The following CSPP1 variants were observed in gnomAD, a reference collection of about 807,000 sequenced individuals.
The protein encoded by CSPP1 is centrosome and spindle pole associated protein 1.
In CSPP1, 126 loss-of-function variants were observed where a neutral mutation model predicts 164.4. That is an observed-to-expected ratio of 0.77 (90% CI 0.66 to 0.89). The LOEUF (loss-of-function observed/expected upper bound fraction) is 0.89, where lower values mean the gene tolerates loss of function less well. Ranked by LOEUF, CSPP1 falls within the 40% of genes least tolerant of loss-of-function variation. The pLI, the probability that CSPP1 is intolerant of heterozygous loss-of-function variation, is 0.00. For synonymous variants in CSPP1, 472 were observed against 476.7 expected (o/e 0.99, Z 0.13); for missense variants, 1,395 against 1,449.8 (o/e 0.96, Z 0.61).
chr8:67,120,888 C>T (rs1173192675), intron 15 of CSPP1, among the ~76,000 whole-genome samples: 2 of 151,640 alleles, frequency 1.3e-5, no homozygotes, highest in African/African-American at 2.4e-5. Flanking sequence ...GAGTCTCACC[C>T]TGTCACCCAG....
chr8:67,073,167 T>C (rs1807190562), intron 1 of CSPP1, among the ~76,000 whole-genome samples: 1 of 152,220 alleles, frequency 6.6e-6, no homozygotes, highest in Admixed American at 6.5e-5. Context: ...AATGTAAATA[T>C]GGTACTTTGT....
At chr8:67,136,881 A>C (rs1271730496) in intron 16 of CSPP1, among the ~76,000 whole-genome samples, 2 of 152,020 alleles carry the variant, frequency 1.3e-5, no homozygotes, top group East Asian at 3.9e-4. Flanking sequence ...GGAGGGAAGG[A>C]GGAGTTGGTT....
intron 25 of CSPP1, among the ~76,000 whole-genome samples, chr8:67,173,158 G>T (rs1295846765): frequency 6.6e-6 from 1 of 152,170 alleles, no homozygotes; most frequent in South Asian, 2.1e-4. Context: ...GAGGGATCAG[G>T]AGCTGGAAGA....
rs746724587 is a variant in CSPP1 at position 67,149,802 on chromosome 8, C to G, written c.1995C>G (p.His665Gln). ...GNLITDLNRM[H>Q]RQNIDAYHNP... ...TCTCAGCTGATTTGAATAGGATGCA[C>G]AGACAAAATATAGATGCCTACCATA... The change falls in exon 18 of 31, where the codon CAC (histidine) becomes CAG (glutamine). Residue 665 changes from histidine to glutamine, a missense_variant. His to Gln is a conservative substitution (Grantham distance 24). Transcript: ENST00000678616. 1.9e-6 allele frequency: 3 copies of G among 1,582,274 alleles called. No homozygotes were observed. Among genetic ancestry groups the G allele is most frequent in the Non-Finnish European group, 2.6e-6 (3 of 1,168,118 alleles).
chr8:67,103,652 A>G (rs939792589), intron 8 of CSPP1, among the ~76,000 whole-genome samples: 4 of 151,334 alleles, frequency 2.6e-5, no homozygotes, highest in African/African-American at 7.3e-5. Flanking sequence ...ATACAAAAAA[A>G]AAAAAGAAAA....
intron 17 of CSPP1, among the ~76,000 whole-genome samples, chr8:67,146,574 G>A (rs1252036512): frequency 6.6e-6 from 1 of 152,052 alleles, no homozygotes; most frequent in South Asian, 2.1e-4. Flanking sequence ...CTAGGGTTGG[G>A]AATTTTGCTT....
chr8:67,067,910 C>T (rs1444794619), intron 1 of CSPP1, among the ~76,000 whole-genome samples: 3 of 147,358 alleles, frequency 2.0e-5, no homozygotes, highest in South Asian at 2.1e-4. Context: ...AGTACAGTGG[C>T]GTGATCTGGG....
intron 23 of CSPP1, among the ~76,000 whole-genome samples, chr8:67,164,117 C>T (rs572553268): frequency 2.0e-4 from 30 of 152,280 alleles, no homozygotes; most frequent in Middle Eastern, 3.4e-3. Flanking sequence ...GTTCCATCAC[C>T]GTAAAGGAAC....
chr8:67,186,622 G>C (rs1227527080), intron 28 of CSPP1, among the ~76,000 whole-genome samples: 1 of 152,106 alleles, frequency 6.6e-6, no homozygotes, highest in Non-Finnish European at 1.5e-5. Context: ...GCTAAGATCA[G>C]GATGTCCTTT....
chr8:67,179,898 A>T lies in CSPP1; in HGVS notation c.3192A>T (p.Ser1064=). ...RDDTSDFLKN[S]LLESDSAFIG... is the part of the protein sequence containing the mutation. ...ACACTAGTGATTTCTTGAAAAACTCATTATTGGAATCTGATAGTGCTTTTA... is the reference window on the plus strand; with the variant it reads ...ACACTAGTGATTTCTTGAAAAACTCTTTATTGGAATCTGATAGTGCTTTTA... Residue 1064 remains serine, a synonymous_variant, in exon 28 of 31, where the codon TCA becomes TCT. Transcript: ENST00000678616. 6.3e-7 allele frequency: 1 copy of T among 1,588,630 alleles called. No individual in the cohort carries two copies. The highest frequency in any genetic ancestry group is 8.6e-7 in the Non-Finnish European group (1 of 1,157,418).
chr8:67,095,151 C>T (rs949307734), intron 6 of CSPP1, 142 bp from the exon 7 acceptor site: 14 of 463,854 alleles, frequency 3.0e-5, no homozygotes, highest in South Asian at 5.7e-5. Context: ...AATGTAAAAA[C>T]GTATATATAT....
intron 4 of CSPP1, among the ~76,000 whole-genome samples, chr8:67,088,521 C>T (rs932740764): frequency 3.3e-5 from 5 of 150,894 alleles, no homozygotes; most frequent in Non-Finnish European, 5.9e-5. Context: ...AACTCCTGAC[C>T]TTGTGATCTG....
intron 3 of CSPP1, among the ~76,000 whole-genome samples, chr8:67,080,551 C>T (rs563050811): frequency 2.0e-5 from 3 of 152,330 alleles, no homozygotes; most frequent in Admixed American, 2.0e-4. Context: ...TAGGCCTCCA[C>T]AAGACTGCCT....
chr8:67,071,807 G>A (rs1806841309), intron 1 of CSPP1, among the ~76,000 whole-genome samples: 1 of 152,104 alleles, frequency 6.6e-6, no homozygotes, highest in South Asian at 2.1e-4. Flanking sequence ...AATGAAGAAA[G>A]GTTAGTCTTT....
chr8:67,177,236 A>C (rs181955621), intron 26 of CSPP1, among the ~76,000 whole-genome samples: 66 of 152,296 alleles, frequency 4.3e-4, no homozygotes, highest in African/African-American at 1.6e-3. Context: ...ACACATAGGA[A>C]GGCTGGTCAT....
At chr8:67,153,419 T>C (rs1022612650) in intron 18 of CSPP1, among the ~76,000 whole-genome samples, 3 of 152,154 alleles carry the variant, frequency 2.0e-5, no homozygotes, top group African/African-American at 7.2e-5. Context: ...ATAGGTAATA[T>C]ATACTAAAAA....
chr8:67,184,225 C>G (rs1833801919), intron 28 of CSPP1, among the ~76,000 whole-genome samples: 1 of 151,916 alleles, frequency 6.6e-6, no homozygotes, highest in South Asian at 2.1e-4. Context: ...GTAGAAAGAT[C>G]TAAAATCAGT....
intron 12 of CSPP1, among the ~76,000 whole-genome samples, chr8:67,115,540 C>T (rs1817753277): frequency 6.6e-6 from 1 of 152,028 alleles, no homozygotes; most frequent in Non-Finnish European, 1.5e-5. Flanking sequence ...TGCGTGGTGG[C>T]AGGTGCCTGT....
chr8:67,112,234 G>GTTT (rs375921547), intron 10 of CSPP1, among the ~76,000 whole-genome samples, 169 bp downstream of exon 10: 5 of 123,086 alleles, frequency 4.1e-5, no homozygotes, highest in African/African-American at 5.8e-5. Flanking sequence ...TACTAAGAGA[G>GTTT]TTTTTTTTTT....
Sources: gnomAD v4.1 joint callset for allele counts (sites outside exome capture counted in the v4.1 genomes callset) on GRCh38, gnomAD v4.1.1 for gene constraint, MANE v1.5 for transcripts, NCBI Gene and HGNC (gene_info 2026-07-23, HGNC 2026-07-21) for gene names.